Variants in NKAIN3 observed in about 807,000 individuals in gnomAD.
NKAIN3 encodes the protein sodium/potassium transporting ATPase interacting 3.
NKAIN3 carries 25 observed loss-of-function variants against 30.2 expected under a neutral mutation model. The ratio of observed to expected loss-of-function variants is 0.83; its 90% CI spans 0.60 to 1.16. The LOEUF (loss-of-function observed/expected upper bound fraction) is 1.16, where lower values mean the gene tolerates loss of function less well. Ranked by LOEUF, NKAIN3 falls within the 50% of genes most tolerant of loss-of-function variation. The pLI, the probability that NKAIN3 is intolerant of heterozygous loss-of-function variation, is 0.00. For synonymous variants in NKAIN3, 91 were observed against 89.6 expected, an observed-to-expected ratio of 1.02 and a Z score of -0.09; for missense variants, 225 against 254.1, an observed-to-expected ratio of 0.89 and a Z score of 0.78.
At chr8:62,585,223 G>C (rs974568280) in intron 2 of NKAIN3, among the ~76,000 whole-genome samples, 1 of 152,070 alleles carries the variant, frequency 6.6e-6, no homozygotes, top group African/African-American at 2.4e-5. Context: ...CTAAGATGTA[G>C]TGTTGCGAGC....
chr8:62,485,130 C>T (rs945070918), intron 1 of NKAIN3, among the ~76,000 whole-genome samples: 8 of 152,146 alleles, frequency 5.3e-5, no homozygotes, highest in Non-Finnish European at 1.0e-4. Context: ...AGGGTTGAGT[C>T]CTTTTCATGA....
chr8:62,718,045 G>A (rs894833547), intron 3 of NKAIN3, among the ~76,000 whole-genome samples: 1 of 152,116 alleles, frequency 6.6e-6, no homozygotes, highest in African/African-American at 2.4e-5. Flanking sequence ...ACATGGTGGT[G>A]GCAAGAGAGA....
chr8:62,529,107 A>G (rs1401380714), intron 1 of NKAIN3, among the ~76,000 whole-genome samples: 1 of 151,990 alleles, frequency 6.6e-6, no homozygotes, highest in Non-Finnish European at 1.5e-5. Flanking sequence ...TACAGAACAC[A>G]CTCGCATGGG....
chr8:62,690,587 T>G (rs540122529), intron 3 of NKAIN3, among the ~76,000 whole-genome samples: 1 of 152,292 alleles, frequency 6.6e-6, no homozygotes, highest in Non-Finnish European at 1.5e-5. Flanking sequence ...CCTCAGTCAG[T>G]CTGGCTGGCA....
At chr8:62,429,544 G>A (rs909655714) in intron 1 of NKAIN3, among the ~76,000 whole-genome samples, 2 of 151,880 alleles carry the variant, frequency 1.3e-5, no homozygotes, top group African/African-American at 2.4e-5. Context: ...ACTGATATTG[G>A]CCTATAGTTT....
chr8:62,298,009 T>C (rs1366310614), intron 1 of NKAIN3, among the ~76,000 whole-genome samples: 1 of 152,066 alleles, frequency 6.6e-6, no homozygotes, highest in Non-Finnish European at 1.5e-5. Context: ...AATGATGAGT[T>C]CATGTCCTTT....
chr8:62,837,890 G>A (rs1330266958), intron 4 of NKAIN3, among the ~76,000 whole-genome samples: 2 of 151,850 alleles, frequency 1.3e-5, no homozygotes, highest in Admixed American at 6.6e-5. Flanking sequence ...ATATGCTTGG[G>A]GGCTTGATAT....
chr8:62,280,544 G>A (rs917330033), intron 1 of NKAIN3, among the ~76,000 whole-genome samples: 3 of 152,080 alleles, frequency 2.0e-5, no homozygotes, highest in Admixed American at 6.6e-5. Context: ...TTTGAGATAC[G>A]TCCCAGCGAT....
At position 62,548,706 on chromosome 8, in the gene NKAIN3, A is replaced by G. The variant is rs114457014; in HGVS notation, c.55-30833A>G. Among the ~76,000 whole-genome samples the G allele has an allele frequency of 3.7e-3, 447 of 121,150 alleles. 2 individuals are homozygous for G. Among genetic ancestry groups the G allele is most frequent in the African/African-American group, 0.015 (428 of 27,938 alleles). 79.5% of individuals were successfully genotyped at this position (121,150 alleles called of 152,430 possible). On this transcript the variant is annotated intron_variant, in intron 1 of 6. Transcript: ENST00000623646. ...ATTTTGTTAAGTAAAAAAGAGCTGG[A>G]TATAATAGTGTACTTTTTATGTTTA...
At chr8:62,619,698 TAA>T (rs111630029) in intron 3 of NKAIN3, among the ~76,000 whole-genome samples, 3 of 141,820 alleles carry the variant, frequency 2.1e-5, no homozygotes, top group Non-Finnish European at 3.1e-5. Context: ...TCAAATATTG[TAA>T]AAAAAAAAAA....
intron 1 of NKAIN3, among the ~76,000 whole-genome samples, chr8:62,256,085 T>C (rs1213184388): frequency 6.6e-6 from 1 of 152,084 alleles, no homozygotes; most frequent in African/African-American, 2.4e-5. Context: ...CCGAGTTAGC[T>C]GAGTTGCCAC....
At chr8:62,336,008 A>G (rs1815540208) in intron 1 of NKAIN3, among the ~76,000 whole-genome samples, 2 of 152,080 alleles carry the variant, frequency 1.3e-5, no homozygotes, top group Non-Finnish European at 1.5e-5. Context: ...TATAAGTCCA[A>G]TTAGGCTTAC....
chr8:62,843,526 G>A (rs985134561), intron 4 of NKAIN3, among the ~76,000 whole-genome samples: 1 of 151,452 alleles, frequency 6.6e-6, no homozygotes. Context: ...TAGTAAAGAC[G>A]GTTTCACCAT....
intron 4 of NKAIN3, chr8:62,855,288 G>T (rs141982124): frequency 5.0e-4 from 255 of 507,062 alleles, no homozygotes; most frequent in African/African-American, 4.7e-3. Context: ...AGGGCAGCTG[G>T]TCACACAGCC....
At chr8:62,418,455 A>G (rs1209036074) in intron 1 of NKAIN3, among the ~76,000 whole-genome samples, 1 of 152,136 alleles carries the variant, frequency 6.6e-6, no homozygotes, top group Non-Finnish European at 1.5e-5. Flanking sequence ...CACCCCCTGA[A>G]AAGTTAATGC....
chr8:62,714,032 G>A (rs1488441103), intron 3 of NKAIN3, among the ~76,000 whole-genome samples: 1 of 152,030 alleles, frequency 6.6e-6, no homozygotes, highest in Admixed American at 6.5e-5. Flanking sequence ...TGTATTGGAT[G>A]TTTCATCGAT....
At position 62,284,395 on chromosome 8, in the gene NKAIN3, C is replaced by G. The variant is rs897101529; in HGVS notation, c.54+35268C>G. ...CTGTAATCCCAGTACTTTGGGAGGT[C>G]GAGGGCAGATCACCTGAGGTCGGGA... On this transcript the variant is annotated intron_variant, in intron 1 of 6. Coordinates refer to ENST00000623646, the MANE Select transcript of NKAIN3 (RefSeq NM_001304533.3). Among the ~76,000 whole-genome samples, 6 of 151,886 alleles carry G rather than the reference C, an allele frequency of 4.0e-5. 1 individual carries two copies. The highest frequency in any genetic ancestry group is 2.0e-4 in the Admixed American group (3 of 15,226).
chr8:62,666,671 G>T (rs1035031780), intron 3 of NKAIN3, among the ~76,000 whole-genome samples: 7 of 151,900 alleles, frequency 4.6e-5, no homozygotes, highest in Non-Finnish European at 8.8e-5. Context: ...TTCTGTCCTG[G>T]GTTATTGTTC....
rs1003204480 is a variant in NKAIN3 at position 62,429,300 on chromosome 8, G to A, written c.55-150239G>A. Among the ~76,000 whole-genome samples the A allele has an allele frequency of 1.3e-4, 20 of 151,814 alleles. No individual in the cohort carries two copies. In the Admixed American group the frequency reaches 1.3e-3, roughly 10 times the overall value. On this transcript the variant is annotated intron_variant, in intron 1 of 6. Coordinates refer to ENST00000623646, the MANE Select transcript of NKAIN3 (RefSeq NM_001304533.3). ...ATATTTCTTCTACACCCACTTTGTT[G>A]AGAGTTTTTATCATGAAGTGTGTTG...
Sources: allele counts gnomAD v4.1 joint callset (sites outside exome capture counted in the v4.1 genomes callset), GRCh38; gene constraint gnomAD v4.1.1; transcripts MANE v1.5; gene names NCBI Gene and HGNC (gene_info 2026-07-23, HGNC 2026-07-21).